DNAJC1: variants seen among roughly 807,000 people sequenced by gnomAD.
The protein encoded by DNAJC1 is DnaJ heat shock protein family (Hsp40) member C1.
A neutral mutation model predicts 76.6 loss-of-function variants in DNAJC1; 58 were observed. The observed-to-expected ratio is 0.76, with a 90% confidence interval of 0.61 to 0.94. The LOEUF (loss-of-function observed/expected upper bound fraction) is 0.94. Among genes scored for constraint, DNAJC1 ranks in the 40% least tolerant of loss-of-function variants. The pLI is 0.00. For missense variants in DNAJC1, 689 were observed against 677.3 expected (o/e 1.02, Z -0.19); for synonymous variants, 258 against 267.9 (o/e 0.96, Z 0.36).
At chr10:21,893,094 A>T (rs922763630) in intron 7 of DNAJC1, among the ~76,000 whole-genome samples, 1 of 152,222 alleles carries the variant, frequency 6.6e-6, no homozygotes, top group Admixed American at 6.5e-5. Flanking sequence ...TGTCCATGGA[A>T]TATATGCCAA....
At chr10:21,929,644 C>A (rs1004195623) in intron 1 of DNAJC1, among the ~76,000 whole-genome samples, 1 of 152,044 alleles carries the variant, frequency 6.6e-6, no homozygotes, top group African/African-American at 2.4e-5. Flanking sequence ...AAAAGCATGC[C>A]TATCTGAAGG....
intron 8 of DNAJC1, among the ~76,000 whole-genome samples, chr10:21,869,793 A>C (rs1445779019): frequency 1.3e-5 from 2 of 152,266 alleles, no homozygotes; most frequent in Non-Finnish European, 2.9e-5. Context: ...GCCAATGTAC[A>C]AATGTCAATT....
intron 8 of DNAJC1, among the ~76,000 whole-genome samples, chr10:21,827,085 A>G (rs1835270830): frequency 6.6e-6 from 1 of 152,124 alleles, no homozygotes; most frequent in Middle Eastern, 3.2e-3. Context: ...CATGAACATA[A>G]GACGGTTTTC....
At chr10:21,956,109 T>G (rs1837676929) in intron 1 of DNAJC1, among the ~76,000 whole-genome samples, 1 of 152,048 alleles carries the variant, frequency 6.6e-6, no homozygotes, top group Admixed American at 6.5e-5. Flanking sequence ...GAGTCCAAAG[T>G]CAAAGGGCCC....
At chr10:21,899,311 AG>A (rs1836604442) in intron 7 of DNAJC1, among the ~76,000 whole-genome samples, 1 of 152,202 alleles carries the variant, frequency 6.6e-6, no homozygotes, top group African/African-American at 2.4e-5. Context: ...ATCCCTAGGA[AG>A]GGGGCTGAAT....
At chr10:21,762,741 C>T (rs1834256420) in intron 10 of DNAJC1, among the ~76,000 whole-genome samples, 1 of 152,114 alleles carries the variant, frequency 6.6e-6, no homozygotes, top group African/African-American at 2.4e-5. Flanking sequence ...TCCTGGGCAG[C>T]TGGGACTACA....
At chr10:21,962,219 T>G (rs1440339370) in intron 1 of DNAJC1, among the ~76,000 whole-genome samples, 1 of 152,134 alleles carries the variant, frequency 6.6e-6, no homozygotes, top group African/African-American at 2.4e-5. Flanking sequence ...AGACATTTTG[T>G]CTGTTTTGTT....
intron 8 of DNAJC1, among the ~76,000 whole-genome samples, chr10:21,846,022 A>T (rs2131683481): frequency 6.6e-6 from 1 of 152,324 alleles, no homozygotes; most frequent in East Asian, 1.9e-4. Context: ...AAATTTAGTT[A>T]TGAAAGATCT....
intron 1 of DNAJC1, among the ~76,000 whole-genome samples, chr10:21,959,746 G>A (rs899952689): frequency 2.0e-5 from 3 of 146,398 alleles, no homozygotes; most frequent in South Asian, 2.2e-4. Flanking sequence ...GGATAGTGCC[G>A]CTTCACTTCA....
intron 8 of DNAJC1, among the ~76,000 whole-genome samples, chr10:21,877,862 A>G (rs903986499): frequency 1.3e-5 from 2 of 152,212 alleles, no homozygotes; most frequent in Admixed American, 6.5e-5. Context: ...CTAACAGCCT[A>G]CTGTTGACTG....
At chr10:21,840,813 G>A (rs1214611676) in intron 8 of DNAJC1, among the ~76,000 whole-genome samples, 7 of 152,250 alleles carry the variant, frequency 4.6e-5, no homozygotes, top group Admixed American at 2.6e-4. Context: ...CTAAGCCAAA[G>A]AACAAAGCTG....
chr10:21,993,845 A>G (rs1225931649), intron 1 of DNAJC1, among the ~76,000 whole-genome samples: 1 of 151,938 alleles, frequency 6.6e-6, no homozygotes, highest in Non-Finnish European at 1.5e-5. Context: ...CTAGCTCTAT[A>G]TTTTCCCACT....
intron 5 of DNAJC1, among the ~76,000 whole-genome samples, chr10:21,919,418 G>T (rs898892022): frequency 6.6e-6 from 1 of 151,996 alleles, no homozygotes; most frequent in African/African-American, 2.4e-5. Context: ...ATGCCCTGCT[G>T]TGTGAACTAT....
intron 8 of DNAJC1, among the ~76,000 whole-genome samples, chr10:21,813,096 C>CATAT (rs373917334): frequency 0.5 from 58,188 of 116,914 alleles, 16,232 homozygotes; most frequent in East Asian, 0.85. Flanking sequence ...TACACACACA[C>CATAT]ATATATATAT....
intron 1 of DNAJC1, among the ~76,000 whole-genome samples, chr10:21,969,813 C>T (rs967879640): frequency 3.3e-5 from 5 of 152,114 alleles, no homozygotes; most frequent in African/African-American, 9.7e-5. Flanking sequence ...AAGAATATAA[C>T]ATCAATGAAA....
intron 1 of DNAJC1, among the ~76,000 whole-genome samples, chr10:21,945,971 T>C (rs1420714304): frequency 6.6e-6 from 1 of 151,804 alleles, no homozygotes; most frequent in African/African-American, 2.4e-5. Context: ...GATAATTTAG[T>C]AATTTGAGAA....
At chr10:21,776,918 A>G (rs978524295) in intron 9 of DNAJC1, among the ~76,000 whole-genome samples, 1 of 152,184 alleles carries the variant, frequency 6.6e-6, no homozygotes, top group Non-Finnish European at 1.5e-5. Flanking sequence ...TCACCATATT[A>G]TTCTCTTTTT....
intron 8 of DNAJC1, among the ~76,000 whole-genome samples, chr10:21,837,763 T>C (rs187239381): frequency 0.045 from 5,883 of 129,322 alleles, 186 homozygotes; most frequent in Middle Eastern, 0.11. Context: ...GGCAGCCGCC[T>C]GGTCCAGGAG....
intron 8 of DNAJC1, among the ~76,000 whole-genome samples, chr10:21,827,693 G>C (rs371653641): frequency 6.6e-6 from 1 of 152,084 alleles, no homozygotes; most frequent in Middle Eastern, 3.4e-3. Context: ...TTGCATTTAG[G>C]GCCCATTCTA....
Sources: gnomAD v4.1 joint callset for allele counts (sites outside exome capture counted in the v4.1 genomes callset) on GRCh38, gnomAD v4.1.1 for gene constraint, MANE v1.5 for transcripts, NCBI Gene and HGNC (gene_info 2026-07-23, HGNC 2026-07-21) for gene names.